The following OTUB2 variants were observed in gnomAD, a reference collection of about 807,000 sequenced individuals.
OTUB2 encodes OTU deubiquitinase, ubiquitin aldehyde binding 2.
A neutral mutation model predicts 25.1 loss-of-function variants in OTUB2; 21 were observed. That is an observed-to-expected ratio of 0.84 (90% confidence interval 0.59 to 1.21). The LOEUF is 1.21. Ranked by LOEUF, OTUB2 falls within the 50% of genes most tolerant of loss-of-function variation. OTUB2 has a pLI of 0.00. For missense variants in OTUB2, 283 were observed against 298.0 expected, an observed-to-expected ratio of 0.95 and a Z score of 0.37; for synonymous variants, 122 against 122.8, an observed-to-expected ratio of 0.99 and a Z score of 0.04.
At chr14:94,031,002 T>C (rs527394557) in intron 1 of OTUB2, among the ~76,000 whole-genome samples, 75 of 152,342 alleles carry the variant, frequency 4.9e-4, no homozygotes, top group African/African-American at 1.7e-3. Flanking sequence ...TTGTGTTGTT[T>C]TGAGACACTA....
In OTUB2 at chr14:94,044,572, CCGGG is replaced by C. The variant is rs1885227670; in HGVS notation, c.304-7_304-4del. On this transcript the variant is annotated splice_polypyrimidine_tract_variant and intron_variant, in intron 4 of 5. Coordinates refer to ENST00000203664, the MANE Select transcript of OTUB2 (RefSeq NM_023112.4). ...CTTGCTTGGCCTCCCTAGCTGAGGG[CCGGG>C]CGGGCGCAGTTTTACAGTGTGGTGG... is the stretch of plus-strand genomic sequence containing the variant. The C allele has an allele frequency of 6.3e-7, 1 of 1,597,190 alleles. No homozygotes were observed.
Position 94,047,260 on chromosome 14 carries a change from T to C in OTUB2, c.*1338T>C, listed in dbSNP as rs1184165148. ...ATTTACTGGAATCTATTGGTGCTGC[T>C]GCATGAGTCTGCTGACAACCTGACT... On this transcript the variant is annotated 3_prime_UTR_variant, in exon 6 of 6. Coordinates refer to ENST00000203664, the MANE Select transcript of OTUB2 (RefSeq NM_023112.4). 1 of 152,238 alleles carries C rather than the reference T, an allele frequency of 6.6e-6. No individual in the cohort carries two copies. The highest frequency in any genetic ancestry group is 6.5e-5 in the Admixed American group (1 of 15,288). The allele number at this position is 152,238 out of a possible 1,614,324, so 9.4% of individuals were successfully genotyped here. A position where few individuals can be genotyped will look rare whatever the true frequency, so the allele number is the denominator to read the frequency against.
At position 94,045,850 on chromosome 14, in the gene OTUB2, C is replaced by T. The variant is rs765960353; in HGVS notation, c.633C>T (p.Ala211=). The change falls in exon 6 of 6, where the codon GCC becomes GCT. Residue 211 remains alanine (A), a synonymous_variant. Coordinates refer to ENST00000203664, the MANE Select transcript of OTUB2 (RefSeq NM_023112.4). ...TALNHHVFPE[A]ATPSVYLLYK... ...TGAACCACCACGTGTTCCCTGAGGC[C>T]GCCACCCCTTCCGTTTACCTGCTCT... is the stretch of plus-strand genomic sequence containing the variant. 53 of 1,614,076 alleles carry T rather than the reference C, an allele frequency of 3.3e-5. No homozygotes were observed. In the African/African-American group the frequency reaches 4.9e-4, roughly 15 times the overall value.
intron 3 of OTUB2, among the ~76,000 whole-genome samples, chr14:94,043,374 A>C (rs763576367): frequency 8.5e-5 from 13 of 152,134 alleles, no homozygotes; most frequent in Non-Finnish European, 1.5e-4. Context: ...TGCTGCCACT[A>C]AACTTGGGAG....
At chr14:94,030,952 C>T (rs189644423) in intron 1 of OTUB2, among the ~76,000 whole-genome samples, 1 of 152,234 alleles carries the variant, frequency 6.6e-6, no homozygotes, top group African/African-American at 2.4e-5. Context: ...AGCAACACTC[C>T]TTTCGGACTT....
intron 5 of OTUB2, among the ~76,000 whole-genome samples, chr14:94,045,166 A>G (rs2141415295): frequency 6.6e-6 from 1 of 152,312 alleles, no homozygotes; most frequent in Non-Finnish European, 1.5e-5. Flanking sequence ...GGAAAGTAAG[A>G]AGTACAGCCC....
At chr14:94,045,640 G>A in intron 5 of OTUB2, 76 bp from the exon 6 acceptor site, 2 of 1,427,488 alleles carry the variant, frequency 1.4e-6, no homozygotes, top group Non-Finnish European at 1.9e-6. Context: ...ATGACCCTGA[G>A]AGCCAGAGCT....
chr14:94,038,511 G>C (rs1885099200), intron 2 of OTUB2, among the ~76,000 whole-genome samples: 1 of 152,212 alleles, frequency 6.6e-6, no homozygotes, highest in Non-Finnish European at 1.5e-5. Flanking sequence ...CCAGTTCAGA[G>C]GGACACCTAC....
intron 2 of OTUB2, among the ~76,000 whole-genome samples, chr14:94,038,252 C>T (rs115584906): frequency 0.012 from 1,801 of 152,340 alleles, 33 homozygotes; most frequent in African/African-American, 0.041. Flanking sequence ...CTGCGGGGCA[C>T]TTCCAGGGAA....
chr14:94,037,505 C>T (rs778072614), intron 2 of OTUB2, 30 bp downstream of exon 2: 23 of 1,493,360 alleles, frequency 1.5e-5, no homozygotes, highest in Middle Eastern at 1.7e-4. Flanking sequence ...GAAGAGCATC[C>T]GAAACTAAAC....
In OTUB2 at chr14:94,037,371, A is replaced by G. The variant is rs748658274; in HGVS notation, c.4-9A>G. The G allele has an allele frequency of 5.1e-6, 8 of 1,557,806 alleles. No individual in the cohort carries two copies. Among genetic ancestry groups the G allele is most frequent in the South Asian group, 4.5e-5 (4 of 89,044 alleles). The stretch of plus-strand genomic sequence containing the variant: ...TTGTCACAGCATTTCTTCCTTCCCT[A>G]TCTTTCAGAGTGAAACATCTTTCAA... On this transcript the variant is annotated splice_polypyrimidine_tract_variant and intron_variant, in intron 1 of 5. Transcript: ENST00000203664.
In OTUB2 at chr14:94,046,651, C is replaced by T. The variant is rs1595369899; in HGVS notation, c.*729C>T. The T allele has an allele frequency of 6.5e-6, 1 of 152,748 alleles. No individual in the cohort carries two copies. The highest frequency in any genetic ancestry group is 1.9e-4 in the East Asian group (1 of 5,196). 9.5% of individuals were successfully genotyped at this position (152,748 alleles called of 1,614,324 possible). On this transcript the variant is annotated 3_prime_UTR_variant, in exon 6 of 6. Coordinates refer to ENST00000203664, the MANE Select transcript of OTUB2 (RefSeq NM_023112.4). ...CTTCAGGGTTCTGCTTTCAGCCCCA[C>T]CTGGACAGAGGCTTACAAGACTAGG...
chr14:94,030,845 G>A (rs1047273032), intron 1 of OTUB2, among the ~76,000 whole-genome samples: 1 of 152,102 alleles, frequency 6.6e-6, no homozygotes, highest in African/African-American at 2.4e-5. Flanking sequence ...TGTAAGCCGG[G>A]AAACCCGGGA....
chr14:94,041,732 A>G (rs1885165115), intron 3 of OTUB2, among the ~76,000 whole-genome samples: 3 of 152,012 alleles, frequency 2.0e-5, no homozygotes, highest in Admixed American at 2.0e-4. Flanking sequence ...TATCCTACAC[A>G]CACCAGAGCT....
At chr14:94,041,306 A>C (rs984070837) in intron 3 of OTUB2, among the ~76,000 whole-genome samples, 1 of 152,006 alleles carries the variant, frequency 6.6e-6, no homozygotes, top group East Asian at 1.9e-4. Flanking sequence ...TGCTGTCTGA[A>C]ATGTCCGGGA....
At position 94,039,089 on chromosome 14, in the gene OTUB2, C is replaced by T. The variant is rs921499283; in HGVS notation, c.218+8C>T. 4.3e-6 allele frequency: 7 copies of T among 1,610,472 alleles called. No individual in the cohort carries two copies. Among genetic ancestry groups the T allele is most frequent in the Admixed American group, 3.3e-5 (2 of 59,998 alleles). On this transcript the variant is annotated splice_region_variant and intron_variant, in intron 3 of 5. Transcript: ENST00000203664. ...GAGCAGGGAGATCTTCAAGTGAGTG[C>T]CGGGGCCCCTTGGCCTGTCAGGGCT...
intron 3 of OTUB2, 40 bp from the exon 4 acceptor site, chr14:94,043,931 C>A: frequency 6.4e-7 from 1 of 1,564,270 alleles, no homozygotes; most frequent in Non-Finnish European, 8.8e-7. Flanking sequence ...AGCACTCTCG[C>A]TGTGTTTCCC....
intron 1 of OTUB2, among the ~76,000 whole-genome samples, chr14:94,029,598 C>T (rs1293228339): frequency 1.3e-5 from 2 of 152,244 alleles, no homozygotes; most frequent in Non-Finnish European, 2.9e-5. Context: ...GACCTCATCT[C>T]AGCTAATTAC....
At chr14:94,035,639 C>G (rs186846649) in intron 1 of OTUB2, among the ~76,000 whole-genome samples, 162 of 152,238 alleles carry the variant, frequency 1.1e-3, no homozygotes, top group Middle Eastern at 3.4e-3. Context: ...AAGCTATCTT[C>G]TGGGAAGTTG....
Sources: allele counts gnomAD v4.1 joint callset (sites outside exome capture counted in the v4.1 genomes callset), GRCh38; gene constraint gnomAD v4.1.1; transcripts MANE v1.5; gene names NCBI Gene and HGNC (gene_info 2026-07-23, HGNC 2026-07-21).